The following TTLL5 variants were observed in gnomAD, a reference collection of about 807,000 sequenced individuals.
TTLL5 encodes tubulin polyglutamylase TTLL5.
Under a neutral mutation model 168.4 loss-of-function variants are expected in TTLL5, and 132 were observed. The observed-to-expected ratio is 0.78, with a 90% CI of 0.68 to 0.91. The LOEUF is 0.91. Ranked by LOEUF, TTLL5 falls within the 40% of genes least tolerant of loss-of-function variation. The pLI, the probability that TTLL5 is intolerant of heterozygous loss-of-function variation, is 0.00. For missense variants in TTLL5, 1,545 were observed against 1,581.5 expected (o/e 0.98, Z 0.39); for synonymous variants, 546 against 558.6 (o/e 0.98, Z 0.32).
chr14:75,939,025 A>G (rs2034516115), intron 31 of TTLL5, among the ~76,000 whole-genome samples: 1 of 152,192 alleles, frequency 6.6e-6, no homozygotes, highest in South Asian at 2.1e-4. Flanking sequence ...GTCCCTTCCC[A>G]ACTCTGCCTT....
intron 17 of TTLL5, 37 bp from the exon 18 acceptor site, chr14:75,752,856 G>T: frequency 1.3e-6 from 2 of 1,593,796 alleles, no homozygotes; most frequent in African/African-American, 2.7e-5. Flanking sequence ...TCTTGAACTA[G>T]CTTAAGAAAT....
intron 28 of TTLL5, among the ~76,000 whole-genome samples, chr14:75,837,586 C>G (rs902959904): frequency 1.3e-5 from 2 of 152,054 alleles, no homozygotes; most frequent in Non-Finnish European, 2.9e-5. Context: ...ACTCATTAAG[C>G]AATAACTCTA....
chr14:75,951,742 C>T (rs143070210), intron 31 of TTLL5, among the ~76,000 whole-genome samples: 51 of 152,130 alleles, frequency 3.4e-4, no homozygotes, highest in Admixed American at 2.9e-3. Context: ...ACAGCCTCGG[C>T]GACAGAGCGA....
intron 31 of TTLL5, among the ~76,000 whole-genome samples, chr14:75,936,580 C>A (rs1566668334): frequency 6.6e-6 from 1 of 152,148 alleles, no homozygotes; most frequent in Non-Finnish European, 1.5e-5. Context: ...TTATTCTTTC[C>A]AGCAGTGACC....
At chr14:75,682,629 T>C (rs1884707930) in intron 4 of TTLL5, among the ~76,000 whole-genome samples, 2 of 152,064 alleles carry the variant, frequency 1.3e-5, no homozygotes, top group South Asian at 4.1e-4. Flanking sequence ...AGTTGGAAGA[T>C]TGGAATGTAA....
At chr14:75,688,421 C>A (rs543798394) in intron 5 of TTLL5, among the ~76,000 whole-genome samples, 1 of 152,194 alleles carries the variant, frequency 6.6e-6, no homozygotes, top group Non-Finnish European at 1.5e-5. Flanking sequence ...TCTCATACCT[C>A]GCCCTGTGCA....
chr14:75,883,012 A>C, intron 30 of TTLL5, 110 bp downstream of exon 30: 1 of 1,189,568 alleles, frequency 8.4e-7, no homozygotes. Context: ...GGAAACAAGA[A>C]CACCTGCTGG....
intron 27 of TTLL5, among the ~76,000 whole-genome samples, chr14:75,802,228 C>A (rs938322880): frequency 1.3e-5 from 2 of 151,856 alleles, no homozygotes; most frequent in Non-Finnish European, 2.9e-5. Flanking sequence ...AACTTTGTTC[C>A]ACTATTTCAA....
chr14:75,876,656 T>G (rs1295269564), intron 29 of TTLL5, among the ~76,000 whole-genome samples: 5 of 152,356 alleles, frequency 3.3e-5, no homozygotes, highest in Middle Eastern at 3.4e-3. Flanking sequence ...TACTGCCCAG[T>G]GCTTTATAGC....
At chr14:75,861,313 T>A (rs1475803027) in intron 28 of TTLL5, among the ~76,000 whole-genome samples, 1 of 152,114 alleles carries the variant, frequency 6.6e-6, no homozygotes, top group Non-Finnish European at 1.5e-5. Context: ...GAAATCTCTC[T>A]AAGAGAGTTG....
chr14:75,688,827 C>A (rs980773591), intron 5 of TTLL5, among the ~76,000 whole-genome samples: 2 of 152,088 alleles, frequency 1.3e-5, no homozygotes, highest in African/African-American at 2.4e-5. Context: ...TTGGTTTTTC[C>A]TCAATATCTC....
rs889260194 is a variant in TTLL5 at position 75,666,648 on chromosome 14, G to T, written c.75-2768G>T. On this transcript the variant is annotated intron_variant, in intron 2 of 31. Transcript: ENST00000298832. Reference sequence around the variant, plus strand: ...GCTGCCTGAAGGTGGTGAGACTTTAGGTAGGCCTTGGAGAGTGGGCTTAGA... The same window carrying T: ...GCTGCCTGAAGGTGGTGAGACTTTATGTAGGCCTTGGAGAGTGGGCTTAGA... Among the ~76,000 whole-genome samples, 4 of 152,304 alleles carry T rather than the reference G, an allele frequency of 2.6e-5. No homozygotes were observed. The East Asian group carries it at 7.7e-4, about 29-fold the overall frequency.
In TTLL5 at chr14:75,882,920, C is replaced by A; in HGVS notation, c.3740+18C>A. The A allele has an allele frequency of 1.2e-6, 2 of 1,609,992 alleles. No homozygotes were observed. Among genetic ancestry groups the A allele is most frequent in the South Asian group, 2.2e-5 (2 of 90,938 alleles). On this transcript the variant is annotated intron_variant, in intron 30 of 31. Coordinates refer to ENST00000298832, the MANE Select transcript of TTLL5 (RefSeq NM_015072.5). ...GCTTCCAAGTAAGTTTTTTTCTGTTCAATTTCTACTGAGTTTTATCAGTTC... is the reference window on the plus strand; with the variant it reads ...GCTTCCAAGTAAGTTTTTTTCTGTTAAATTTCTACTGAGTTTTATCAGTTC...
intron 26 of TTLL5, among the ~76,000 whole-genome samples, chr14:75,790,472 CTT>C (rs201060570): frequency 1.4e-5 from 2 of 142,848 alleles, no homozygotes; most frequent in Admixed American, 7.0e-5. Context: ...TTCTTTTTTT[CTT>C]TTTTTTTTTT....
intron 27 of TTLL5, among the ~76,000 whole-genome samples, chr14:75,799,489 A>C (rs1893167486): frequency 6.6e-6 from 1 of 152,160 alleles, no homozygotes; most frequent in Non-Finnish European, 1.5e-5. Flanking sequence ...GATGTGAGGC[A>C]CTATTCTGTT....
intron 3 of TTLL5, among the ~76,000 whole-genome samples, chr14:75,673,874 A>C (rs1315727268): frequency 6.6e-6 from 1 of 152,158 alleles, no homozygotes; most frequent in African/African-American, 2.4e-5. Context: ...TGGTTCATTC[A>C]TGTTCTCTGA....
At chr14:75,775,393 C>T (rs1321362412) in intron 21 of TTLL5, 91 bp from the exon 22 acceptor site, 4 of 1,391,310 alleles carry the variant, frequency 2.9e-6, no homozygotes, top group East Asian at 2.3e-5. Context: ...TGTCTTCTTC[C>T]ATCTCTGTTA....
At chr14:75,809,158 C>T (rs1893832640) in intron 27 of TTLL5, among the ~76,000 whole-genome samples, 2 of 151,994 alleles carry the variant, frequency 1.3e-5, no homozygotes, top group South Asian at 4.2e-4. Flanking sequence ...AAGCTTTATT[C>T]CTCCTCCTGA....
In TTLL5 at chr14:75,681,545, A is replaced by G. The variant is rs774297805; in HGVS notation, c.182A>G (p.Glu61Gly). 2 of 1,612,726 alleles carry G rather than the reference A, an allele frequency of 1.2e-6. No individual in the cohort carries two copies. The highest frequency in any genetic ancestry group is 2.7e-5 in the African/African-American group (2 of 75,050). Residue 61 changes from glutamate (E) to glycine (G), a missense_variant and splice_region_variant, in exon 4 of 32, where the codon GAA (glutamate) becomes GGA (glycine). By Grantham distance (98) the Glu-to-Gly change is moderately conservative. Coordinates refer to ENST00000298832, the MANE Select transcript of TTLL5 (RefSeq NM_015072.5). ...TKDNNIRVIG[E>G]RYHLSYKIVR... ...TGAACTTGATTCTGTTTTTCTTTAG[A>G]ACGTTATCATTTGTCTTATAAGATT...
Sources: allele counts gnomAD v4.1 joint callset (sites outside exome capture counted in the v4.1 genomes callset), GRCh38; gene constraint gnomAD v4.1.1; transcripts MANE v1.5; gene names NCBI Gene and HGNC (gene_info 2026-07-23, HGNC 2026-07-21).